The following DPP10 variants were observed in gnomAD, a reference collection of about 807,000 sequenced individuals.
The protein encoded by DPP10 is dipeptidyl peptidase like 10.
Under a neutral mutation model 120.9 loss-of-function variants are expected in DPP10, and 33 were observed. The observed-to-expected ratio is 0.27, with a 90% CI of 0.21 to 0.37. DPP10 has a LOEUF of 0.37. Ranked by LOEUF, DPP10 falls within the 10% of genes least tolerant of loss-of-function variation. DPP10 has a pLI of 1.00. For missense variants in DPP10, 816 were observed against 942.8 expected (o/e 0.87, Z 1.76); for synonymous variants, 337 against 326.1 (o/e 1.03, Z -0.36).
At chr2:115,789,186 G>C (rs1182254093) in intron 17 of DPP10, among the ~76,000 whole-genome samples, 1 of 151,876 alleles carries the variant, frequency 6.6e-6, no homozygotes, top group Non-Finnish European at 1.5e-5. Context: ...TATATATTAA[G>C]AGGACAAAAA....
chr2:115,374,066 G>T (rs1162420933), intron 3 of DPP10, among the ~76,000 whole-genome samples: 1 of 152,028 alleles, frequency 6.6e-6, no homozygotes, highest in Non-Finnish European at 1.5e-5. Context: ...TGAAATTTGG[G>T]TGGGGACACA....
At chr2:115,665,695 T>G (rs904833999) in intron 5 of DPP10, among the ~76,000 whole-genome samples, 1 of 150,372 alleles carries the variant, frequency 6.7e-6, no homozygotes, top group Non-Finnish European at 1.5e-5. Flanking sequence ...ACACATACGT[T>G]AGAATATTTT....
chr2:114,471,818 G>T (rs1180820467), intron 1 of DPP10, among the ~76,000 whole-genome samples: 3 of 152,262 alleles, frequency 2.0e-5, no homozygotes, highest in East Asian at 1.9e-4. Context: ...TAAACTGAAG[G>T]TTCAGTAGGT....
At position 115,516,301 on chromosome 2, in the gene DPP10, T is replaced by A. The variant is rs906773131; in HGVS notation, c.367-9597T>A. ...CATTGTCACTAAATTGGACTTGATT[T>A]TATAGGCCTTCTTTCTTTCCCCAAC... On this transcript the variant is annotated intron_variant, in intron 4 of 25. Transcript: ENST00000410059. Among the ~76,000 whole-genome samples, 10 of 152,142 alleles carry A rather than the reference T, an allele frequency of 6.6e-5. 1 individual carries two copies. Among genetic ancestry groups the A allele is most frequent in the Non-Finnish European group, 2.9e-5 (2 of 67,996 alleles).
At chr2:114,933,320 A>G (rs1040704470) in intron 1 of DPP10, among the ~76,000 whole-genome samples, 2 of 152,218 alleles carry the variant, frequency 1.3e-5, no homozygotes, top group Non-Finnish European at 2.9e-5. Context: ...ACCAGGCAAC[A>G]TCAGCCAAGA....
At chr2:114,508,126 G>A (rs1315997145) in intron 1 of DPP10, among the ~76,000 whole-genome samples, 2 of 150,566 alleles carry the variant, frequency 1.3e-5, no homozygotes, top group Non-Finnish European at 3.0e-5. Flanking sequence ...ACAATAACAT[G>A]TATTTATTTT....
intron 1 of DPP10, chr2:115,162,059 C>T (rs1016437124): frequency 1.2e-5 from 17 of 1,444,686 alleles, no homozygotes; most frequent in East Asian, 2.9e-5. Context: ...CCAGGCCCTC[C>T]CGGGAGGGGT....
intron 5 of DPP10, among the ~76,000 whole-genome samples, chr2:115,537,092 G>A (rs1040689269): frequency 6.6e-6 from 1 of 151,910 alleles, no homozygotes; most frequent in Non-Finnish European, 1.5e-5. Flanking sequence ...ATAATATCAT[G>A]TTCTCATTTT....
intron 5 of DPP10, among the ~76,000 whole-genome samples, chr2:115,628,394 G>A (rs1198117895): frequency 1.3e-5 from 2 of 152,018 alleles, no homozygotes; most frequent in Admixed American, 6.6e-5. Context: ...ATTAATTTAA[G>A]TTCCTTGTAA....
At chr2:115,177,240 A>G (rs1444191538) in intron 1 of DPP10, among the ~76,000 whole-genome samples, 1 of 152,220 alleles carries the variant, frequency 6.6e-6, no homozygotes, top group African/African-American at 2.4e-5. Flanking sequence ...AAACTTTACA[A>G]TTTAGAAAAA....
chr2:114,876,104 G>T (rs904379248), intron 1 of DPP10, among the ~76,000 whole-genome samples: 1 of 151,968 alleles, frequency 6.6e-6, no homozygotes, highest in Non-Finnish European at 1.5e-5. Context: ...AAATATGAAT[G>T]ATATAAAATA....
chr2:114,905,838 A>G lies in DPP10; in HGVS notation c.61-403401A>G, dbSNP rs975950023. Among the ~76,000 whole-genome samples, 5 of 152,294 alleles carry G rather than the reference A, an allele frequency of 3.3e-5. No homozygotes were observed. In the East Asian group the frequency reaches 9.7e-4, roughly 29 times the overall value. On this transcript the variant is annotated intron_variant, in intron 1 of 25. Coordinates refer to ENST00000410059, the MANE Select transcript of DPP10 (RefSeq NM_020868.6). ...GTTGGGATTACAGGCTTGAGCCACCAGGCTCAGCCTGTATATAGATTATAT... is the reference window on the plus strand; with the variant it reads ...GTTGGGATTACAGGCTTGAGCCACCGGGCTCAGCCTGTATATAGATTATAT...
intron 1 of DPP10, among the ~76,000 whole-genome samples, chr2:114,938,775 A>G (rs1354007030): frequency 1.5e-5 from 2 of 134,920 alleles, no homozygotes; most frequent in Admixed American, 7.8e-5. Flanking sequence ...TGCCTCATTA[A>G]TTTGTAGGAA....
chr2:115,514,442 A>T (rs1322639547), intron 4 of DPP10, among the ~76,000 whole-genome samples: 2 of 151,712 alleles, frequency 1.3e-5, no homozygotes, highest in African/African-American at 4.8e-5. Context: ...TACATTATTT[A>T]TATGTGTCTC....
chr2:114,553,179 A>T (rs1688023746), intron 1 of DPP10, among the ~76,000 whole-genome samples: 1 of 152,152 alleles, frequency 6.6e-6, no homozygotes, highest in Non-Finnish European at 1.5e-5. Flanking sequence ...TTTCATTTCC[A>T]CAAGGACATC....
intron 1 of DPP10, among the ~76,000 whole-genome samples, chr2:115,093,830 CAG>C (rs1444703616): frequency 6.6e-6 from 1 of 152,058 alleles, no homozygotes; most frequent in Non-Finnish European, 1.5e-5. Flanking sequence ...TCATTCATGA[CAG>C]TGTAATGATT....
chr2:114,445,304 G>T (rs1486942341), intron 1 of DPP10, among the ~76,000 whole-genome samples: 1 of 152,026 alleles, frequency 6.6e-6, no homozygotes, highest in South Asian at 2.1e-4. Context: ...TAAATAACTT[G>T]CATATTGCTC....
Position 115,787,788 on chromosome 2 carries a change from C to T in DPP10, c.1532-3293C>T, listed in dbSNP as rs568552845. Among the ~76,000 whole-genome samples the T allele has an allele frequency of 2.6e-5, 4 of 152,076 alleles. No individual in the cohort carries two copies. In the South Asian group the frequency reaches 8.3e-4, roughly 31 times the overall value. On this transcript the variant is annotated intron_variant, in intron 17 of 25. Transcript: ENST00000410059. ...CACATCATTAGCAAATTATGCAAAA[C>T]CAATGATAAAGAAAAACATTTTAAA...
At chr2:115,311,772 ATGTTT>A (rs769282891) in intron 2 of DPP10, among the ~76,000 whole-genome samples, 1 of 152,010 alleles carries the variant, frequency 6.6e-6, no homozygotes, top group Non-Finnish European at 1.5e-5. Flanking sequence ...TTATTTATTT[ATGTTT>A]TGTTTTAAGA....
Sources: gnomAD v4.1 joint callset for allele counts (sites outside exome capture counted in the v4.1 genomes callset) on GRCh38, gnomAD v4.1.1 for gene constraint, MANE v1.5 for transcripts, NCBI Gene and HGNC (gene_info 2026-07-23, HGNC 2026-07-21) for gene names.